ABTB3: variants seen among roughly 807,000 people sequenced by gnomAD.
ABTB3 encodes the protein ankyrin repeat- and BTB/POZ domain-containing protein 3.
chr12:107,640,257 A>G, the ABTB3 span: 22 of 1,050,266 alleles, frequency 2.1e-5, no homozygotes, highest in African/African-American at 3.0e-4. Flanking sequence ...AGATAAATCT[A>G]AACTTCATCC....
At chr12:107,342,712 T>C in the ABTB3 span, among the ~76,000 whole-genome samples, 1 of 152,284 alleles carries the variant, frequency 6.6e-6, no homozygotes, top group Non-Finnish European at 1.5e-5. Flanking sequence ...ATGAACCCTG[T>C]CATTCCTAAT....
At chr12:107,375,340 C>G in the ABTB3 span, among the ~76,000 whole-genome samples, 1 of 152,110 alleles carries the variant, frequency 6.6e-6, no homozygotes, top group South Asian at 2.1e-4. Flanking sequence ...ATCACCTTAG[C>G]CCGGGAGATT....
At chr12:107,373,205 C>A in the ABTB3 span, among the ~76,000 whole-genome samples, 1 of 151,888 alleles carries the variant, frequency 6.6e-6, no homozygotes, top group Non-Finnish European at 1.5e-5. Context: ...CATTGGCTGG[C>A]GGTGCTCCTA....
At chr12:107,512,016 T>C in the ABTB3 span, among the ~76,000 whole-genome samples, 3 of 152,128 alleles carry the variant, frequency 2.0e-5, no homozygotes, top group Non-Finnish European at 2.9e-5. Context: ...TGAAGACCAG[T>C]AAGTACCCTG....
At chr12:107,337,131 G>A in the ABTB3 span, among the ~76,000 whole-genome samples, 1 of 152,226 alleles carries the variant, frequency 6.6e-6, no homozygotes, top group East Asian at 1.9e-4. Context: ...ATAGACTTTT[G>A]GATCTTAGAG....
At chr12:107,468,354 C>A in the ABTB3 span, among the ~76,000 whole-genome samples, 3 of 152,028 alleles carry the variant, frequency 2.0e-5, no homozygotes, top group Non-Finnish European at 4.4e-5. Flanking sequence ...GGAAGCTGAC[C>A]AGTCAGTGGC....
chr12:107,439,526 G>A, the ABTB3 span, among the ~76,000 whole-genome samples: 1 of 152,068 alleles, frequency 6.6e-6, no homozygotes, highest in East Asian at 1.9e-4. Context: ...ACACAGGTAG[G>A]GCTGAGGCTC....
the ABTB3 span, among the ~76,000 whole-genome samples, chr12:107,424,148 A>T: frequency 6.6e-6 from 1 of 152,216 alleles, no homozygotes; most frequent in Admixed American, 6.5e-5. Context: ...CAACAACAAA[A>T]AACAAATAAA....
chr12:107,398,637 G>A, the ABTB3 span, among the ~76,000 whole-genome samples: 1 of 151,958 alleles, frequency 6.6e-6, no homozygotes, highest in Non-Finnish European at 1.5e-5. Context: ...CTCTCATGCT[G>A]TTCAACCTCA....
At chr12:107,557,614 G>A in the ABTB3 span, among the ~76,000 whole-genome samples, 1 of 152,148 alleles carries the variant, frequency 6.6e-6, no homozygotes, top group Non-Finnish European at 1.5e-5. Context: ...CATGCATTAA[G>A]TGCCAGCTAT....
At chr12:107,469,994 TTCTTTCTTTCTTTCTTTCTCTCTC>T in the ABTB3 span, among the ~76,000 whole-genome samples, 10 of 64,062 alleles carry the variant, frequency 1.6e-4, no homozygotes, top group East Asian at 4.7e-4. Flanking sequence ...CTTTCTTTCT[TTCTTTCTTTCTTTCTTTCTCTCTC>T]TCTCTCTCTC....
the ABTB3 span, among the ~76,000 whole-genome samples, chr12:107,488,662 G>GTATA: frequency 3.9e-4 from 59 of 149,390 alleles, no homozygotes; most frequent in African/African-American, 1.4e-3. Context: ...GCAATTATAT[G>GTATA]TATATATATA....
chr12:107,393,734 T>C, the ABTB3 span, among the ~76,000 whole-genome samples: 1 of 152,004 alleles, frequency 6.6e-6, no homozygotes, highest in Non-Finnish European at 1.5e-5. Context: ...ATCGAGACCA[T>C]CCTGGCTAAC....
At chr12:107,347,058 C>T in the ABTB3 span, among the ~76,000 whole-genome samples, 1 of 152,162 alleles carries the variant, frequency 6.6e-6, no homozygotes, top group East Asian at 1.9e-4. Context: ...CCATTTAGAG[C>T]AGCATATATT....
the ABTB3 span, among the ~76,000 whole-genome samples, chr12:107,600,170 C>T: frequency 6.6e-6 from 1 of 152,140 alleles, no homozygotes; most frequent in Non-Finnish European, 1.5e-5. Context: ...AGGGTTTAAG[C>T]AAGATACAGG....
At chr12:107,473,547 T>G in the ABTB3 span, among the ~76,000 whole-genome samples, 1 of 152,058 alleles carries the variant, frequency 6.6e-6, no homozygotes, top group African/African-American at 2.4e-5. Context: ...AGAGACGGGG[T>G]TTCACCATGT....
chr12:107,541,639 A>G, the ABTB3 span, among the ~76,000 whole-genome samples: 2 of 152,258 alleles, frequency 1.3e-5, no homozygotes, highest in East Asian at 3.8e-4. Context: ...GCCTTCAATT[A>G]ATTGATGAGG....
At chr12:107,324,127 T>C in the ABTB3 span, among the ~76,000 whole-genome samples, 29 of 152,334 alleles carry the variant, frequency 1.9e-4, no homozygotes, top group Non-Finnish European at 3.1e-4. Flanking sequence ...TGCTGACACA[T>C]GGTAGGTGCT....
chr12:107,530,240 G>C, the ABTB3 span, among the ~76,000 whole-genome samples: 2 of 152,222 alleles, frequency 1.3e-5, no homozygotes, highest in African/African-American at 2.4e-5. Flanking sequence ...AAATGAATGA[G>C]TGGAGTAGGG....
Sources: gnomAD v4.1 joint callset for allele counts (sites outside exome capture counted in the v4.1 genomes callset) on GRCh38, gnomAD v4.1.1 for gene constraint, MANE v1.5 for transcripts, NCBI Gene and HGNC (gene_info 2026-07-23, HGNC 2026-07-21) for gene names.